NCOA2: variants seen among roughly 807,000 people sequenced by gnomAD.
NCOA2 encodes the protein class E basic helix-loop-helix protein 75.
A neutral mutation model predicts 145.1 loss-of-function variants in NCOA2; 21 were observed. The ratio of observed to expected loss-of-function variants is 0.14; its 90% confidence interval spans 0.10 to 0.21. The LOEUF (loss-of-function observed/expected upper bound fraction) is 0.21. Among genes scored for constraint, NCOA2 ranks in the 10% least tolerant of loss-of-function variants. The pLI, the probability that NCOA2 is intolerant of heterozygous loss-of-function variation, is 1.00. For synonymous variants in NCOA2, 619 were observed against 637.5 expected (o/e 0.97, Z 0.44); for missense variants, 1,472 against 1,837.6 (o/e 0.80, Z 3.64).
chr8:70,316,918 C>T (rs796735599), intron 1 of NCOA2, among the ~76,000 whole-genome samples: 11 of 152,186 alleles, frequency 7.2e-5, no homozygotes, highest in African/African-American at 2.6e-4. Context: ...GTGTTGCCCA[C>T]CTCTTTTAAA....
At position 70,342,722 on chromosome 8, in the gene NCOA2, T is replaced by A. The variant is rs567018377; in HGVS notation, c.-76-45922A>T. On this transcript the variant is annotated intron_variant, in intron 1 of 22. Transcript: ENST00000452400. ...ATTACTACATTACCTTTTTTTTTTT[T>A]AAAAAGGACTTCTCCCTAGCCCAAA... Among the ~76,000 whole-genome samples, 686 of 145,432 alleles carry A rather than the reference T, an allele frequency of 4.7e-3. 4 individuals carry two copies. Among genetic ancestry groups the A allele is most frequent in the African/African-American group, 9.7e-3 (388 of 40,186 alleles).
intron 1 of NCOA2, among the ~76,000 whole-genome samples, chr8:70,395,946 T>C (rs1035260845): frequency 3.9e-5 from 6 of 152,250 alleles, no homozygotes; most frequent in Admixed American, 6.5e-5. Context: ...AAGCAATGCA[T>C]GCTGATCCTA....
At chr8:70,245,627 G>A (rs1245198821) in intron 2 of NCOA2, among the ~76,000 whole-genome samples, 1 of 151,576 alleles carries the variant, frequency 6.6e-6, no homozygotes, top group African/African-American at 2.4e-5. Flanking sequence ...ACTCACATAC[G>A]CATGTCTAAA....
intron 18 of NCOA2, among the ~76,000 whole-genome samples, chr8:70,128,231 A>G (rs1808664317): frequency 6.6e-6 from 1 of 152,234 alleles, no homozygotes; most frequent in South Asian, 2.1e-4. Context: ...TAGAATAACA[A>G]GAATTGACTG....
Position 70,138,224 on chromosome 8 carries a change from G to A in NCOA2, c.3137C>T (p.Ala1046Val), listed in dbSNP as rs373466036. 10 of 1,613,544 alleles carry A rather than the reference G, an allele frequency of 6.2e-6. No individual in the cohort carries two copies. The highest frequency in any genetic ancestry group is 4.5e-5 in the East Asian group (2 of 44,896). The change falls in exon 15 of 23, where the codon GCG becomes GTG. Residue 1046 changes from alanine (A) to valine (V), a missense_variant. Physicochemically the swap from Ala to Val is moderately conservative, Grantham distance 64 (BLOSUM62 0). This residue lies in a region of NCOA2 where 953 missense variants were observed against 1,062.1 expected (regional missense o/e 0.90). Transcript: ENST00000452400. Reference protein sequence around the residue: ...WPESILPIDQASFASQNRQPF... With the variant: ...WPESILPIDQVSFASQNRQPF... ...TCACCTGTTTTGGCTGGCAAAAGAC[G>A]CCTGGTCTATAGGCAGGATGCTTTC...
At chr8:70,225,302 G>A (rs984288209) in intron 2 of NCOA2, among the ~76,000 whole-genome samples, 10 of 152,116 alleles carry the variant, frequency 6.6e-5, no homozygotes, top group African/African-American at 2.4e-4. Context: ...TGTAATCCCA[G>A]CATTTTGGGA....
upstream of NCOA2, among the ~76,000 whole-genome samples, chr8:70,407,481 A>G (rs1014499296): frequency 6.6e-6 from 1 of 152,078 alleles, no homozygotes; most frequent in African/African-American, 2.4e-5. Flanking sequence ...CATCACTTGT[A>G]TTTCTACTAC....
At chr8:70,285,111 T>A (rs1826148413) in intron 2 of NCOA2, among the ~76,000 whole-genome samples, 1 of 152,242 alleles carries the variant, frequency 6.6e-6, no homozygotes, top group Admixed American at 6.5e-5. Context: ...AATATCCTTA[T>A]ATTCATGATA....
the NCOA2 span, among the ~76,000 whole-genome samples, chr8:70,411,096 T>TA: frequency 1.3e-5 from 2 of 152,176 alleles, no homozygotes; most frequent in Non-Finnish European, 2.9e-5. Flanking sequence ...ATTAGCATTT[T>TA]AAAAAACCGG....
intron 15 of NCOA2, among the ~76,000 whole-genome samples, chr8:70,135,116 C>T (rs1311624026): frequency 5.9e-5 from 9 of 152,104 alleles, no homozygotes; most frequent in East Asian, 3.9e-4. Context: ...CCAGCTACCA[C>T]GGGCAGCTGA....
At chr8:70,169,266 C>T (rs1382611138) in intron 6 of NCOA2, among the ~76,000 whole-genome samples, 1 of 152,140 alleles carries the variant, frequency 6.6e-6, no homozygotes, top group Admixed American at 6.5e-5. Context: ...CGTACTCGGA[C>T]GACATCTCCA....
At chr8:70,213,778 G>A (rs1262321730) in intron 4 of NCOA2, 125 bp downstream of exon 4, 3 of 792,762 alleles carry the variant, frequency 3.8e-6, no homozygotes, top group Non-Finnish European at 3.9e-6. Flanking sequence ...CTTACACTGT[G>A]ACATCATTTC....
chr8:70,174,299 C>T (rs1814588385), intron 5 of NCOA2, among the ~76,000 whole-genome samples: 1 of 152,156 alleles, frequency 6.6e-6, no homozygotes, highest in Admixed American at 6.5e-5. Flanking sequence ...TTTCAGTTTT[C>T]TTCCTTATGA....
intron 1 of NCOA2, among the ~76,000 whole-genome samples, chr8:70,314,836 G>T (rs192319310): frequency 6.6e-6 from 1 of 152,162 alleles, no homozygotes; most frequent in African/African-American, 2.4e-5. Context: ...CAAGAGAAAC[G>T]CAAGTGTGCT....
At chr8:70,175,589 T>C (rs934998669) in intron 4 of NCOA2, among the ~76,000 whole-genome samples, 2 of 152,234 alleles carry the variant, frequency 1.3e-5, no homozygotes, top group Non-Finnish European at 2.9e-5. Context: ...CTTCATAGAA[T>C]GAGAATGTTT....
intron 8 of NCOA2, 35 bp downstream of exon 8, chr8:70,163,430 T>C: frequency 2.0e-6 from 3 of 1,479,790 alleles, no homozygotes; most frequent in Non-Finnish European, 2.8e-6. Flanking sequence ...TATTCTAAAA[T>C]GATTCCTTTG....
the NCOA2 span, among the ~76,000 whole-genome samples, chr8:70,411,571 G>T: frequency 2.0e-5 from 3 of 152,154 alleles, no homozygotes; most frequent in East Asian, 5.8e-4. Flanking sequence ...CTGTTCCTTA[G>T]TATGTATCCT....
intron 15 of NCOA2, 90 bp from the exon 16 acceptor site, chr8:70,132,092 G>T: frequency 7.5e-7 from 1 of 1,339,580 alleles, no homozygotes; most frequent in South Asian, 1.4e-5. Context: ...AGTATCAATT[G>T]ACTTCCAGGG....
chr8:70,297,600 C>T (rs72663974), intron 1 of NCOA2, among the ~76,000 whole-genome samples: 12,753 of 152,232 alleles, frequency 0.084, 750 homozygotes, highest in Middle Eastern at 0.18. Flanking sequence ...TCCAAAATGC[C>T]AGGATTACAG....
Sources: gnomAD v4.1 joint callset for allele counts (sites outside exome capture counted in the v4.1 genomes callset) on GRCh38, gnomAD v4.1.1 for gene constraint, gnomAD v4.1.1 regional missense constraint, MANE v1.5 for transcripts, NCBI Gene and HGNC (gene_info 2026-07-23, HGNC 2026-07-21) for gene names.